The following FMN2 variants were observed in gnomAD, a reference collection of about 807,000 sequenced individuals.
The protein encoded by FMN2 is formin 2, also known as formin-2.
Under a neutral mutation model 142.3 loss-of-function variants are expected in FMN2, and 51 were observed. The ratio of observed to expected loss-of-function variants is 0.36; its 90% confidence interval spans 0.29 to 0.45. The LOEUF (loss-of-function observed/expected upper bound fraction) is 0.45. FMN2 is among the 20% of genes least tolerant of loss of function. The pLI, the probability that FMN2 is intolerant of heterozygous loss-of-function variation, is 1.00. For synonymous variants in FMN2, 882 were observed against 869.8 expected, an observed-to-expected ratio of 1.01 and a Z score of -0.25; for missense variants, 1,936 against 2,122.8, an observed-to-expected ratio of 0.91 and a Z score of 1.73.
At chr1:240,151,972 GC>G (rs1417711409) in intron 2 of FMN2, among the ~76,000 whole-genome samples, 1 of 151,866 alleles carries the variant, frequency 6.6e-6, no homozygotes, top group Non-Finnish European at 1.5e-5. Context: ...TTGCCATGTT[GC>G]CCAGGCTGCT....
chr1:240,181,907 A>ATT (rs1665170352), intron 3 of FMN2, among the ~76,000 whole-genome samples: 2 of 152,156 alleles, frequency 1.3e-5, no homozygotes, highest in African/African-American at 4.8e-5. Flanking sequence ...GAGTCCCATG[A>ATT]CATCCTATTC....
chr1:240,469,909 G>T (rs1393383981), intron 16 of FMN2, among the ~76,000 whole-genome samples: 1 of 152,122 alleles, frequency 6.6e-6, no homozygotes, highest in Non-Finnish European at 1.5e-5. Context: ...AAAATGAATG[G>T]ATGAGCTGAA....
rs569535944 is a variant in FMN2, at chr1:240,241,792, T to A, written c.4066-16153T>A. On this transcript the variant is annotated intron_variant, in intron 6 of 17. Coordinates refer to ENST00000319653, the MANE Select transcript of FMN2 (RefSeq NM_020066.5). ...AGTGTGGCTAATCTTGTAGGCTAGG[T>A]AGGTATCATTTTCTTTATTTTAGTG... is the stretch of plus-strand genomic sequence containing the variant. Among the ~76,000 whole-genome samples the A allele has an allele frequency of 1.7e-3, 255 of 150,292 alleles. 1 individual carries two copies. The highest frequency in any genetic ancestry group is 3.1e-3 in the Admixed American group (46 of 15,000).
intron 13 of FMN2, among the ~76,000 whole-genome samples, chr1:240,338,141 T>C (rs1671625948): frequency 6.6e-6 from 1 of 152,206 alleles, no homozygotes; most frequent in African/African-American, 2.4e-5. Context: ...CTTCTCTGTA[T>C]CCTCTTTCTT....
At chr1:240,188,594 C>T (rs550069500) in intron 4 of FMN2, among the ~76,000 whole-genome samples, 61 of 152,324 alleles carry the variant, frequency 4.0e-4, no homozygotes, top group African/African-American at 1.2e-3. Context: ...CCTGCTCAAA[C>T]AGTCCCATGG....
At chr1:240,125,783 G>A (rs1305364913) in intron 2 of FMN2, among the ~76,000 whole-genome samples, 2 of 152,070 alleles carry the variant, frequency 1.3e-5, no homozygotes, top group African/African-American at 2.4e-5. Context: ...CTCCATCCTT[G>A]TGTTAGAGAC....
intron 16 of FMN2, among the ~76,000 whole-genome samples, chr1:240,438,935 C>T (rs1307946642): frequency 6.6e-6 from 1 of 152,136 alleles, no homozygotes; most frequent in African/African-American, 2.4e-5. Context: ...TAGTATACTT[C>T]CTAACATCAC....
intron 7 of FMN2, among the ~76,000 whole-genome samples, chr1:240,261,867 A>C (rs1355488474): frequency 6.6e-6 from 1 of 152,088 alleles, no homozygotes; most frequent in Non-Finnish European, 1.5e-5. Flanking sequence ...AATACCTCTG[A>C]AAAAATCTCA....
At chr1:240,332,318 T>G (rs1184134629) in intron 11 of FMN2, among the ~76,000 whole-genome samples, 1 of 151,720 alleles carries the variant, frequency 6.6e-6, no homozygotes, top group Non-Finnish European at 1.5e-5. Context: ...TCCCAGCTAC[T>G]TGGGAGGACT....
intron 6 of FMN2, among the ~76,000 whole-genome samples, chr1:240,237,264 C>T (rs144622814): frequency 4.6e-5 from 7 of 152,238 alleles, no homozygotes; most frequent in East Asian, 1.9e-4. Flanking sequence ...CAGGTATAGT[C>T]GGATAAGTTG....
intron 15 of FMN2, among the ~76,000 whole-genome samples, chr1:240,420,533 C>T (rs12086870): frequency 0.014 from 2,127 of 152,272 alleles, 56 homozygotes; most frequent in African/African-American, 0.05. Context: ...TGTCCTGCAG[C>T]CAAGAGAAGA....
At chr1:240,378,729 G>T (rs975544337) in intron 14 of FMN2, among the ~76,000 whole-genome samples, 4 of 152,166 alleles carry the variant, frequency 2.6e-5, no homozygotes, top group African/African-American at 9.7e-5. Flanking sequence ...CCTCTGCAGT[G>T]TCTAATCTTA....
chr1:240,327,891 A>G (rs761779414), intron 8 of FMN2, among the ~76,000 whole-genome samples: 4 of 152,086 alleles, frequency 2.6e-5, no homozygotes, highest in Non-Finnish European at 5.9e-5. Flanking sequence ...TCATGCCTGT[A>G]ATCCCAGCAG....
chr1:240,097,799 C>T (rs1005575607), intron 1 of FMN2, among the ~76,000 whole-genome samples: 1 of 152,122 alleles, frequency 6.6e-6, no homozygotes, highest in African/African-American at 2.4e-5. Context: ...TCTGTTGGTG[C>T]ATTACATAAC....
At chr1:240,389,619 T>C (rs1044394242) in intron 14 of FMN2, among the ~76,000 whole-genome samples, 3 of 152,206 alleles carry the variant, frequency 2.0e-5, no homozygotes, top group African/African-American at 2.4e-5. Context: ...AGCAACCACA[T>C]CCTGCAGTTG....
chr1:240,298,459 G>A (rs979459302), intron 8 of FMN2, among the ~76,000 whole-genome samples: 8 of 152,120 alleles, frequency 5.3e-5, no homozygotes, highest in Non-Finnish European at 7.3e-5. Context: ...TTCCCTAAAC[G>A]TCCTGTATAT....
chr1:240,109,925 G>A (rs192566110), intron 1 of FMN2, among the ~76,000 whole-genome samples: 5 of 151,948 alleles, frequency 3.3e-5, no homozygotes, highest in Non-Finnish European at 7.4e-5. Flanking sequence ...TCCTCTAGTA[G>A]GCCTAGGACA....
chr1:240,196,744 C>A (rs1012631073), intron 4 of FMN2, among the ~76,000 whole-genome samples: 14 of 152,102 alleles, frequency 9.2e-5, no homozygotes, highest in Admixed American at 7.2e-4. Context: ...AACTCCTGAC[C>A]TCAGGCGAAC....
At chr1:240,338,251 T>C (rs1040295274) in intron 13 of FMN2, among the ~76,000 whole-genome samples, 2 of 152,204 alleles carry the variant, frequency 1.3e-5, no homozygotes, top group African/African-American at 4.8e-5. Context: ...GTTGAAGCAA[T>C]GTCCATTTTC....
Sources: allele counts gnomAD v4.1 joint callset (sites outside exome capture counted in the v4.1 genomes callset), GRCh38; gene constraint gnomAD v4.1.1; transcripts MANE v1.5; gene names NCBI Gene and HGNC (gene_info 2026-07-23, HGNC 2026-07-21).